Variants in DPYD observed in about 807,000 individuals in gnomAD.
DPYD encodes the protein dihydropyrimidine dehydrogenase.
Under a neutral mutation model 116.2 loss-of-function variants are expected in DPYD, and 109 were observed. That is an observed-to-expected ratio of 0.94 (90% CI 0.80 to 1.10). DPYD has a LOEUF of 1.10. Among genes scored for constraint, DPYD ranks in the 50% least tolerant of loss-of-function variants. The probability of loss-of-function intolerance (pLI) is 0.00; values close to 1 mark genes in which losing one functional copy is unlikely to be tolerated. For missense variants in DPYD, 1,302 were observed against 1,254.5 expected, an observed-to-expected ratio of 1.04 and a Z score of -0.57; for synonymous variants, 440 against 432.0, an observed-to-expected ratio of 1.02 and a Z score of -0.23.
intron 1 of DPYD, among the ~76,000 whole-genome samples, chr1:97,915,899 G>A (rs547613481): frequency 6.6e-6 from 1 of 151,936 alleles, no homozygotes; most frequent in Non-Finnish European, 1.5e-5. Flanking sequence ...GATATTTTAC[G>A]ACAATCTTTT....
At chr1:97,405,610 G>C (rs2101649277) in intron 14 of DPYD, among the ~76,000 whole-genome samples, 1 of 152,118 alleles carries the variant, frequency 6.6e-6, no homozygotes, top group African/African-American at 2.4e-5. Context: ...CTGCCTCCCA[G>C]GTTCAAACAA....
At chr1:97,368,534 A>T (rs1671157773) in intron 16 of DPYD, among the ~76,000 whole-genome samples, 1 of 152,198 alleles carries the variant, frequency 6.6e-6, no homozygotes, top group Non-Finnish European at 1.5e-5. Context: ...CTTTATTGCC[A>T]TATGGAAGGC....
At chr1:97,748,062 T>C (rs1164754523) in intron 3 of DPYD, among the ~76,000 whole-genome samples, 1 of 152,218 alleles carries the variant, frequency 6.6e-6, no homozygotes, top group Non-Finnish European at 1.5e-5. Flanking sequence ...CAATGTATAA[T>C]GTTTTATAAT....
At chr1:97,921,052 G>GGCGGAGCGGGC (rs1175258191), upstream of DPYD, 3 of 1,173,234 alleles carry the variant, frequency 2.6e-6, no homozygotes, top group South Asian at 4.1e-5. Flanking sequence ...GCGGCGCGGG[G>GGCGGAGCGGGC]GCGGAGCGGG....
At chr1:97,892,617 T>A (rs1672834657) in intron 1 of DPYD, among the ~76,000 whole-genome samples, 1 of 151,768 alleles carries the variant, frequency 6.6e-6, no homozygotes, top group Non-Finnish European at 1.5e-5. Flanking sequence ...AAGACTTACA[T>A]TTACCTAATA....
intron 2 of DPYD, among the ~76,000 whole-genome samples, chr1:97,846,509 C>A (rs1362271629): frequency 6.6e-6 from 1 of 152,110 alleles, no homozygotes; most frequent in South Asian, 2.1e-4. Flanking sequence ...GAGCCCATAA[C>A]CCCCAGGATG....
chr1:97,352,054 G>T (rs1321647691), intron 16 of DPYD, among the ~76,000 whole-genome samples: 1 of 152,086 alleles, frequency 6.6e-6, no homozygotes, highest in Non-Finnish European at 1.5e-5. Context: ...ACATTCTTTG[G>T]TATTCACTGC....
intron 8 of DPYD, among the ~76,000 whole-genome samples, chr1:97,622,034 T>A (rs967327871): frequency 6.6e-6 from 1 of 152,044 alleles, no homozygotes; most frequent in Non-Finnish European, 1.5e-5. Flanking sequence ...ATGGGCAGAA[T>A]AGACAAATTC....
chr1:97,397,848 T>A (rs1201064455), intron 14 of DPYD, among the ~76,000 whole-genome samples: 2 of 152,068 alleles, frequency 1.3e-5, no homozygotes, highest in Admixed American at 1.3e-4. Flanking sequence ...TGTGGAAATA[T>A]AAGTTTTCAA....
intron 18 of DPYD, among the ~76,000 whole-genome samples, chr1:97,288,845 A>G (rs995529172): frequency 1.3e-5 from 2 of 152,060 alleles, no homozygotes; most frequent in Admixed American, 6.6e-5. Flanking sequence ...TCAGAGCACA[A>G]CTGAAGGAAA....
chr1:97,433,282 G>T (rs549855903), intron 14 of DPYD, among the ~76,000 whole-genome samples: 1 of 152,280 alleles, frequency 6.6e-6, no homozygotes, highest in South Asian at 2.1e-4. Flanking sequence ...ATTCAGTGAA[G>T]TCCCATGAGA....
intron 13 of DPYD, among the ~76,000 whole-genome samples, chr1:97,482,740 A>G (rs559964666): frequency 4.4e-4 from 67 of 152,266 alleles, no homozygotes; most frequent in African/African-American, 1.6e-3. Flanking sequence ...TTACTTTTGT[A>G]CAGAGAAAGC....
intron 8 of DPYD, among the ~76,000 whole-genome samples, chr1:97,611,954 C>T (rs773444358): frequency 1.3e-5 from 2 of 151,962 alleles, no homozygotes; most frequent in East Asian, 1.9e-4. Flanking sequence ...GCAAGGACTG[C>T]GTTAGGAAAT....
intron 3 of DPYD, among the ~76,000 whole-genome samples, chr1:97,778,864 G>C (rs745475396): frequency 3.9e-5 from 6 of 152,058 alleles, no homozygotes; most frequent in Admixed American, 6.6e-5. Flanking sequence ...TTTTCATACA[G>C]AGCTCAAACT....
At chr1:97,369,754 G>A (rs1213847511) in intron 16 of DPYD, among the ~76,000 whole-genome samples, 1 of 152,168 alleles carries the variant, frequency 6.6e-6, no homozygotes, top group African/African-American at 2.4e-5. Context: ...TAACTAAAAT[G>A]GAAGCGCAGC....
At chr1:97,435,303 G>A (rs1675408310) in intron 14 of DPYD, among the ~76,000 whole-genome samples, 1 of 151,480 alleles carries the variant, frequency 6.6e-6, no homozygotes, top group Non-Finnish European at 1.5e-5. Context: ...ACCTGTATTA[G>A]TATATATTCT....
chr1:97,845,906 A>G (rs900624288), intron 2 of DPYD, among the ~76,000 whole-genome samples: 39 of 152,330 alleles, frequency 2.6e-4, no homozygotes, highest in Middle Eastern at 3.4e-3. Context: ...CTGCAGCCTC[A>G]CATGGAGCCG....
chr1:97,089,337 C>T (rs1649735796), intron 21 of DPYD, among the ~76,000 whole-genome samples: 1 of 152,140 alleles, frequency 6.6e-6, no homozygotes, highest in Admixed American at 6.5e-5. Flanking sequence ...TATATGCTGC[C>T]TGGGAATAAA....
intron 16 of DPYD, among the ~76,000 whole-genome samples, chr1:97,322,142 C>A (rs1312407907): frequency 7.2e-6 from 1 of 139,034 alleles, no homozygotes. Context: ...CTAGATGACG[C>A]GTTAGTGGGT....
Sources: allele counts gnomAD v4.1 joint callset (sites outside exome capture counted in the v4.1 genomes callset), GRCh38; gene constraint gnomAD v4.1.1; transcripts MANE v1.5; gene names NCBI Gene and HGNC (gene_info 2026-07-23, HGNC 2026-07-21).